ABCA13: variants seen among roughly 807,000 people sequenced by gnomAD.
ABCA13 encodes ATP-binding cassette sub-family A member 13.
A neutral mutation model predicts 478.7 loss-of-function variants in ABCA13; 476 were observed. The ratio of observed to expected loss-of-function variants is 0.99; its 90% CI spans 0.92 to 1.07. ABCA13 has a LOEUF of 1.07. Among genes scored for constraint, ABCA13 ranks in the 50% least tolerant of loss-of-function variants. ABCA13 has a pLI of 0.00. For synonymous variants in ABCA13, 2,252 were observed against 2,158.9 expected (o/e 1.04, Z -1.20); for missense variants, 6,060 against 5,910.6 (o/e 1.03, Z -0.83).
intron 1 of ABCA13, 72 bp from the exon 2 acceptor site, chr7:48,192,887 C>T: frequency 8.2e-7 from 1 of 1,226,162 alleles, no homozygotes; most frequent in Non-Finnish European, 1.1e-6. Flanking sequence ...AAATGACCTC[C>T]TTCAAGAGAT....
chr7:48,346,326 G>A (rs1459172732), intron 29 of ABCA13, among the ~76,000 whole-genome samples: 1 of 152,086 alleles, frequency 6.6e-6, no homozygotes, highest in East Asian at 1.9e-4. Context: ...GTGAGACCAA[G>A]TCACTCTTCA....
At chr7:48,327,416 A>G (rs1022122021) in intron 27 of ABCA13, among the ~76,000 whole-genome samples, 1 of 152,150 alleles carries the variant, frequency 6.6e-6, no homozygotes, top group Non-Finnish European at 1.5e-5. Context: ...GGGAAGTACA[A>G]TTCAAGATGA....
intron 3 of ABCA13, among the ~76,000 whole-genome samples, chr7:48,214,173 G>A (rs1786092758): frequency 1.3e-5 from 2 of 152,164 alleles, no homozygotes. Flanking sequence ...ATAACTGGCT[G>A]CATGGTCAAT....
At chr7:48,410,139 A>G (rs1818807698) in intron 39 of ABCA13, among the ~76,000 whole-genome samples, 1 of 147,256 alleles carries the variant, frequency 6.8e-6, no homozygotes, top group South Asian at 2.1e-4. Context: ...TTAGTATCTG[A>G]GGAGAGAGAT....
rs536501294 is a variant in ABCA13, at chr7:48,448,071, A to G, written c.12566-6966A>G. ...TTTTCCAAGAGGAGCTGTCTGAGCC[A>G]GACTTCCAATGGGCAGATGCCTGAC... On this transcript the variant is annotated intron_variant, in intron 42 of 61. Coordinates refer to ENST00000435803, the MANE Select transcript of ABCA13 (RefSeq NM_152701.5). Among the ~76,000 whole-genome samples the G allele has an allele frequency of 3.3e-5, 5 of 152,330 alleles. No individual in the cohort carries two copies. In the South Asian group the frequency reaches 8.3e-4, roughly 25 times the overall value.
At chr7:48,355,744 TAGAG>T (rs1366689407) in intron 31 of ABCA13, among the ~76,000 whole-genome samples, 1 of 151,898 alleles carries the variant, frequency 6.6e-6, no homozygotes, top group Non-Finnish European at 1.5e-5. Flanking sequence ...GAGGGCGTGA[TAGAG>T]AGACATCGAG....
rs372867801 is a variant in ABCA13 at position 48,310,094 on chromosome 7, A to C, written c.9469A>C (p.Ile3157Leu). 11 of 1,613,680 alleles carry C rather than the reference A, an allele frequency of 6.8e-6. No individual in the cohort carries two copies. The African/African-American group carries it at 1.5e-4, about 22-fold the overall frequency. ...SLPGSKVYSL[I>L]VLLSRNLDVR... ...GCCAGGGTCAAAAGTGTATTCTCTG[A>C]TTGTGTTGCTGAGTCGAAACTTGGA... The change falls in exon 24 of 62, where the codon ATT becomes CTT. Residue 3157 changes from isoleucine (I) to leucine (L), a missense_variant. Ile to Leu is a conservative substitution (Grantham distance 5). Transcript: ENST00000435803.
chr7:48,225,037 C>T (rs1787949326), intron 5 of ABCA13, among the ~76,000 whole-genome samples: 4 of 151,954 alleles, frequency 2.6e-5, no homozygotes, highest in Non-Finnish European at 5.9e-5. Flanking sequence ...CTTCAAACTC[C>T]TGGGCTCAAG....
At chr7:48,438,413 T>C (rs1354190643) in intron 42 of ABCA13, among the ~76,000 whole-genome samples, 2 of 152,082 alleles carry the variant, frequency 1.3e-5, no homozygotes, top group Non-Finnish European at 2.9e-5. Flanking sequence ...TATTTAGTGT[T>C]TCCATAGGGA....
chr7:48,524,481 C>T, intron 54 of ABCA13, 41 bp downstream of exon 54: 7 of 1,521,782 alleles, frequency 4.6e-6, no homozygotes, highest in Non-Finnish European at 6.2e-6. Flanking sequence ...TGTTGTGAAC[C>T]TGTACAACTC....
At chr7:48,395,043 C>T (rs935824885) in intron 38 of ABCA13, among the ~76,000 whole-genome samples, 2 of 152,178 alleles carry the variant, frequency 1.3e-5, no homozygotes, top group Non-Finnish European at 1.5e-5. Context: ...CAATATGTTA[C>T]AGCATGTGCA....
intron 1 of ABCA13, among the ~76,000 whole-genome samples, chr7:48,189,584 T>C (rs1047521847): frequency 7.9e-5 from 12 of 152,234 alleles, no homozygotes; most frequent in Non-Finnish European, 1.6e-4. Flanking sequence ...TTCTCAACGA[T>C]AAGATTCAAG....
chr7:48,267,615 G>T (rs1293405589), intron 15 of ABCA13, among the ~76,000 whole-genome samples: 1 of 151,972 alleles, frequency 6.6e-6, no homozygotes, highest in Non-Finnish European at 1.5e-5. Flanking sequence ...TATTAGGTTG[G>T]TGCAAAAGTA....
At position 48,645,063 on chromosome 7, in the gene ABCA13, G is replaced by T. The variant is rs557295775; in HGVS notation, c.15081+309G>T. On this transcript the variant is annotated intron_variant, in intron 61 of 61. Transcript: ENST00000435803. ...TCAGCCCCACAAGACTTTTCGGGGGGGCTTCACTGTAATCAAATGATAGCT... is the reference window on the plus strand; with the variant it reads ...TCAGCCCCACAAGACTTTTCGGGGGTGCTTCACTGTAATCAAATGATAGCT... Among the ~76,000 whole-genome samples, 7 of 152,134 alleles carry T rather than the reference G, an allele frequency of 4.6e-5. No homozygotes were observed. The South Asian group carries it at 6.2e-4, about 14-fold the overall frequency.
At chr7:48,349,926 T>C (rs1808694810) in intron 29 of ABCA13, among the ~76,000 whole-genome samples, 1 of 152,226 alleles carries the variant, frequency 6.6e-6, no homozygotes, top group Non-Finnish European at 1.5e-5. Flanking sequence ...CTGCTTTCCC[T>C]CTGGAGGTCA....
chr7:48,455,159 C>T lies in ABCA13; in HGVS notation c.12688C>T (p.Leu4230=). The T allele has an allele frequency of 1.3e-6, 2 of 1,583,506 alleles. No homozygotes were observed. The highest frequency in any genetic ancestry group is 1.7e-6 in the Non-Finnish European group (2 of 1,165,188). The change falls in exon 43 of 62, where the codon CTG becomes TTG. Residue 4230 remains leucine (L), a synonymous_variant. Coordinates refer to ENST00000435803, the MANE Select transcript of ABCA13 (RefSeq NM_152701.5). ...CGCCGGGAAGAGCACCCTCGCCGAC[C>T]TGCTGCTGCCAGTCCTCTTCGTGGC... ...LRAGKSTLAD[L]LLPVLFVALA... is the part of the protein sequence containing the mutation.
At chr7:48,330,870 T>A (rs1236234164) in intron 27 of ABCA13, among the ~76,000 whole-genome samples, 1 of 152,192 alleles carries the variant, frequency 6.6e-6, no homozygotes, top group African/African-American at 2.4e-5. Context: ...CTTATTAGTA[T>A]GAAGTGCATT....
intron 7 of ABCA13, among the ~76,000 whole-genome samples, chr7:48,232,512 T>C (rs948822026): frequency 4.6e-5 from 7 of 152,164 alleles, no homozygotes; most frequent in Non-Finnish European, 8.8e-5. Flanking sequence ...CTAAAAATTG[T>C]CTTCATGTCT....
intron 8 of ABCA13, 140 bp from the exon 9 acceptor site, chr7:48,239,101 C>A: frequency 1.2e-6 from 1 of 829,556 alleles, no homozygotes; most frequent in Non-Finnish European, 1.8e-6. Context: ...CAAGGTAAAT[C>A]ACATAGATAT....
Sources: allele counts gnomAD v4.1 joint callset (sites outside exome capture counted in the v4.1 genomes callset), GRCh38; gene constraint gnomAD v4.1.1; transcripts MANE v1.5; gene names NCBI Gene and HGNC (gene_info 2026-07-23, HGNC 2026-07-21).